Variants in SYNPR observed in about 807,000 individuals in gnomAD.
SYNPR encodes synaptoporin.
SYNPR carries 23 observed loss-of-function variants against 32.9 expected under a neutral mutation model. That is an observed-to-expected ratio of 0.70 (90% CI 0.50 to 0.99). The LOEUF (loss-of-function observed/expected upper bound fraction) is 0.99, where lower values mean the gene tolerates loss of function less well. Ranked by LOEUF, SYNPR falls within the 50% of genes least tolerant of loss-of-function variation. SYNPR has a pLI of 0.00. For missense variants in SYNPR, 318 were observed against 349.3 expected (o/e 0.91, Z 0.71); for synonymous variants, 146 against 135.9 (o/e 1.07, Z -0.52).
At chr3:63,529,965 C>G (rs937121007) in intron 3 of SYNPR, among the ~76,000 whole-genome samples, 1 of 152,152 alleles carries the variant, frequency 6.6e-6, no homozygotes, top group Admixed American at 6.5e-5. Context: ...CTTCCCCACT[C>G]TGGCATGGTG....
rs148570225 is a variant in SYNPR at position 63,462,232 on chromosome 3, A to G, written c.85-18600A>G. 9.2e-5 allele frequency among the ~76,000 whole-genome samples: 14 copies of G among 152,044 alleles called. No individual in the cohort carries two copies. In the East Asian group the frequency reaches 2.7e-3, roughly 30 times the overall value. On this transcript the variant is annotated intron_variant, in intron 2 of 5. Coordinates refer to ENST00000478300, the MANE Select transcript of SYNPR (RefSeq NM_001130003.2). Reference sequence around the variant, plus strand: ...TTCCTCAAAGAAGCCTTCCTTGTTCACCTTATCTGAGAAGACCCCACTGTT... The same window carrying G: ...TTCCTCAAAGAAGCCTTCCTTGTTCGCCTTATCTGAGAAGACCCCACTGTT...
intron 2 of SYNPR, among the ~76,000 whole-genome samples, chr3:63,459,164 G>T (rs1010736600): frequency 6.6e-6 from 1 of 151,932 alleles, no homozygotes; most frequent in African/African-American, 2.4e-5. Context: ...TTCTCTGCCA[G>T]ATACACTACC....
intron 3 of SYNPR, among the ~76,000 whole-genome samples, chr3:63,271,615 A>G (rs1029798568): frequency 6.6e-6 from 1 of 152,146 alleles, no homozygotes; most frequent in Non-Finnish European, 1.5e-5. Flanking sequence ...TGTTTTACAT[A>G]TATAAATATA....
chr3:63,459,074 C>T (rs1156502709), intron 2 of SYNPR, among the ~76,000 whole-genome samples: 5 of 151,824 alleles, frequency 3.3e-5, no homozygotes, highest in Admixed American at 1.3e-4. Context: ...TTCCAGCACA[C>T]CCCCTCCCAA....
intron 2 of SYNPR, among the ~76,000 whole-genome samples, chr3:63,429,725 C>T (rs1294213563): frequency 1.3e-5 from 2 of 152,194 alleles, no homozygotes; most frequent in African/African-American, 4.8e-5. Flanking sequence ...ATCCTCAGAA[C>T]CTGTGAAGCA....
intron 2 of SYNPR, among the ~76,000 whole-genome samples, chr3:63,292,396 A>G (rs772943860): frequency 1.3e-5 from 2 of 152,226 alleles, no homozygotes; most frequent in Non-Finnish European, 2.9e-5. Context: ...TTGAAAATAC[A>G]CAATAAATTG....
At chr3:63,562,117 G>T (rs139395688) in intron 4 of SYNPR, among the ~76,000 whole-genome samples, 1 of 152,236 alleles carries the variant, frequency 6.6e-6, no homozygotes, top group Non-Finnish European at 1.5e-5. Context: ...TTGTGAAATT[G>T]AAATGTCATA....
chr3:63,424,100 A>T (rs746747901), intron 2 of SYNPR, among the ~76,000 whole-genome samples: 2 of 152,228 alleles, frequency 1.3e-5, no homozygotes, highest in Non-Finnish European at 2.9e-5. Context: ...GAAACTCAGA[A>T]TAAATTATGA....
chr3:63,246,955 T>G (rs182269907), intron 1 of SYNPR, among the ~76,000 whole-genome samples: 3 of 152,222 alleles, frequency 2.0e-5, no homozygotes, highest in African/African-American at 7.2e-5. Context: ...GCAAAAAGTT[T>G]AGCATATGGG....
chr3:63,476,002 A>G lies in SYNPR; in HGVS notation c.85-4830A>G, dbSNP rs115589791. Among the ~76,000 whole-genome samples the G allele has an allele frequency of 7.9e-3, 1,169 of 148,350 alleles. 13 individuals are homozygous for G. Among genetic ancestry groups the G allele is most frequent in the African/African-American group, 0.027 (1,080 of 40,170 alleles). On this transcript the variant is annotated intron_variant, in intron 2 of 5. Coordinates refer to ENST00000478300, the MANE Select transcript of SYNPR (RefSeq NM_001130003.2). ...CAAGGTCCTCCTTCTAAATTCTTCC[A>G]CCCCACCAAGCGTAAAAAGTGGAAG... is the stretch of plus-strand genomic sequence containing the variant.
intron 1 of SYNPR, among the ~76,000 whole-genome samples, chr3:63,230,760 TAG>T (rs2086160600): frequency 6.6e-6 from 1 of 152,184 alleles, no homozygotes; most frequent in Non-Finnish European, 1.5e-5. Flanking sequence ...AACTACCTCA[TAG>T]GGTTGCTGTG....
At chr3:63,314,453 A>G (rs2087019413) in intron 2 of SYNPR, among the ~76,000 whole-genome samples, 1 of 151,770 alleles carries the variant, frequency 6.6e-6, no homozygotes, top group Non-Finnish European at 1.5e-5. Context: ...TTTGATTTGC[A>G]TTTCCCTGAT....
At chr3:63,257,995 G>C (rs1317694258) in intron 2 of SYNPR, among the ~76,000 whole-genome samples, 1 of 152,158 alleles carries the variant, frequency 6.6e-6, no homozygotes, top group Non-Finnish European at 1.5e-5. Flanking sequence ...TAATGGTAAA[G>C]GGATCAATTC....
intron 2 of SYNPR, among the ~76,000 whole-genome samples, chr3:63,341,547 C>G (rs2087371031): frequency 1.3e-5 from 2 of 152,204 alleles, no homozygotes; most frequent in African/African-American, 4.8e-5. Context: ...TTTAACCACT[C>G]TAATAGCTAT....
the SYNPR span, among the ~76,000 whole-genome samples, chr3:63,209,022 A>C: frequency 6.6e-6 from 1 of 152,152 alleles, no homozygotes; most frequent in South Asian, 2.1e-4. Context: ...CGTTTACCTT[A>C]TTCCTTGATG....
intron 2 of SYNPR, among the ~76,000 whole-genome samples, chr3:63,297,157 G>C (rs543840567): frequency 6.6e-6 from 1 of 152,156 alleles, no homozygotes; most frequent in Non-Finnish European, 1.5e-5. Context: ...GCTATTATGC[G>C]CTAGAAAATG....
rs1480058121 is a variant in SYNPR at position 63,553,771 on chromosome 3, G to A, written c.210-2772G>A. The stretch of plus-strand genomic sequence containing the variant: ...AGTTTCGCTCTTGTTGCCCAGGCTG[G>A]AGTGCAATGGCGCGATCTCGGCTCA... On this transcript the variant is annotated intron_variant, in intron 3 of 5. Coordinates refer to ENST00000478300, the MANE Select transcript of SYNPR (RefSeq NM_001130003.2). Among the ~76,000 whole-genome samples the A allele has an allele frequency of 2.0e-5, 3 of 152,260 alleles. No homozygotes were observed. In the East Asian group the frequency reaches 5.8e-4, roughly 29 times the overall value.
chr3:63,275,623 T>G (rs570832850), upstream of SYNPR, among the ~76,000 whole-genome samples: 9 of 152,262 alleles, frequency 5.9e-5, no homozygotes, highest in African/African-American at 2.2e-4. Context: ...TTTAAATAAG[T>G]CTCTTTCCCT....
At chr3:63,432,353 C>T (rs1265941686) in intron 2 of SYNPR, among the ~76,000 whole-genome samples, 1 of 152,122 alleles carries the variant, frequency 6.6e-6, no homozygotes, top group Non-Finnish European at 1.5e-5. Context: ...TCTGGTGGTA[C>T]ACAGGGCAGC....
Sources: allele counts gnomAD v4.1 joint callset (sites outside exome capture counted in the v4.1 genomes callset), GRCh38; gene constraint gnomAD v4.1.1; transcripts MANE v1.5; gene names NCBI Gene and HGNC (gene_info 2026-07-23, HGNC 2026-07-21).